Variants in MAP3K13 observed in about 807,000 individuals in gnomAD.
MAP3K13 encodes leucine zipper-bearing kinase.
In MAP3K13, 52 loss-of-function variants were observed where a neutral mutation model predicts 104.0. The ratio of observed to expected loss-of-function variants is 0.50; its 90% CI spans 0.40 to 0.63. The LOEUF is 0.63. Among genes scored for constraint, MAP3K13 ranks in the 20% least tolerant of loss-of-function variants. MAP3K13 has a pLI of 0.00. For synonymous variants in MAP3K13, 394 were observed against 442.2 expected, an observed-to-expected ratio of 0.89 and a Z score of 1.37; for missense variants, 914 against 1,218.5, an observed-to-expected ratio of 0.75 and a Z score of 3.72.
In MAP3K13 at chr3:185,473,408, G is replaced by C; in HGVS notation, c.2077G>C (p.Gly693Arg). 6.2e-7 allele frequency: 1 copy of C among 1,614,192 alleles called. No individual in the cohort carries two copies. The highest frequency in any genetic ancestry group is 8.5e-7 in the Non-Finnish European group (1 of 1,180,042). ...LSNHAQRQLPGSSPDLISTAM... is the reference protein window; with the variant it reads ...LSNHAQRQLPRSSPDLISTAM... ...CAACCATGCTCAGAGACAGCTGCCC[G>C]GCTCGAGCCCTGACCTCATCTCCAC... Residue 693 changes from glycine to arginine, a missense_variant, in exon 11 of 14, where the codon GGC becomes CGC. Coordinates refer to ENST00000265026, the MANE Select transcript of MAP3K13 (RefSeq NM_004721.5). This position sits in a 1 kb window ranked among gnomAD's most constrained non-coding sequence, Gnocchi z 4.9.
At position 185,320,028 on chromosome 3, in the gene MAP3K13, T is replaced by G. The variant is rs544188103; in HGVS notation, c.-86+34385T>G. The stretch of plus-strand genomic sequence containing the variant: ...TTTTGTTTCTTAGCCTCAGGGACTG[T>G]TTTCAGATAATGTATACAAGATGGA... On this transcript the variant is annotated intron_variant, in intron 2 of 14. Transcript: ENST00000424227. 2.0e-5 allele frequency among the ~76,000 whole-genome samples: 3 copies of G among 152,280 alleles called. No homozygotes were observed. The South Asian group carries it at 6.2e-4, about 32-fold the overall frequency.
chr3:185,354,610 G>C (rs894309792), intron 2 of MAP3K13, among the ~76,000 whole-genome samples: 26 of 14,264 alleles, frequency 1.8e-3, no homozygotes, highest in Non-Finnish European at 7.8e-3. Flanking sequence ...TATAAGTATG[G>C]GGGGGGGGCA....
chr3:185,447,735 T>C (rs1715671909), intron 4 of MAP3K13, 54 bp from the exon 5 acceptor site: 1 of 1,359,494 alleles, frequency 7.4e-7, no homozygotes, highest in South Asian at 1.4e-5. Flanking sequence ...TTTAGAATCA[T>C]GGTTTTCGTT....
At chr3:185,452,925 C>A (rs956820779) in intron 7 of MAP3K13, among the ~76,000 whole-genome samples, 2 of 152,146 alleles carry the variant, frequency 1.3e-5, no homozygotes, top group South Asian at 4.1e-4. Flanking sequence ...CACAGGCCAA[C>A]CCAGATTCTC....
At chr3:185,451,696 C>T (rs1478792054) in intron 7 of MAP3K13, among the ~76,000 whole-genome samples, 1 of 151,784 alleles carries the variant, frequency 6.6e-6, no homozygotes, top group East Asian at 1.9e-4. Flanking sequence ...GAGAAACCCC[C>T]GCTTCTACTA....
chr3:185,417,708 T>C, intron 1 of MAP3K13: 3 of 1,610,188 alleles, frequency 1.9e-6, no homozygotes, highest in Non-Finnish European at 2.5e-6. Flanking sequence ...GTGCTGCTGC[T>C]GCAGCAGCTG....
chr3:185,464,727 C>T (rs1479262130), intron 8 of MAP3K13, among the ~76,000 whole-genome samples: 1 of 152,120 alleles, frequency 6.6e-6, no homozygotes, highest in East Asian at 1.9e-4. Context: ...GTTCTGAATG[C>T]TATAACGAAC....
intron 2 of MAP3K13, among the ~76,000 whole-genome samples, chr3:185,357,464 A>AAAAAAAAAAAG (rs1723416083): frequency 6.6e-6 from 1 of 151,140 alleles, no homozygotes; most frequent in African/African-American, 2.4e-5. Flanking sequence ...AAAAAAAAAA[A>AAAAAAAAAAAG]AAAGAAAAAA....
chr3:185,304,296 T>A (rs1258511176), intron 2 of MAP3K13, among the ~76,000 whole-genome samples: 2 of 152,198 alleles, frequency 1.3e-5, no homozygotes, highest in African/African-American at 4.8e-5. Flanking sequence ...TCTGCTGTTG[T>A]GGAGTAGAAT....
chr3:185,430,943 A>T (rs1453152449), intron 2 of MAP3K13, among the ~76,000 whole-genome samples: 1 of 152,206 alleles, frequency 6.6e-6, no homozygotes, highest in Admixed American at 6.5e-5. Flanking sequence ...CAGCAGGCTT[A>T]ACAGGAAGCA....
chr3:185,317,574 A>G (rs957281565), intron 2 of MAP3K13, among the ~76,000 whole-genome samples: 2 of 152,242 alleles, frequency 1.3e-5, no homozygotes, highest in African/African-American at 4.8e-5. Flanking sequence ...CTCAGATTCT[A>G]ACTTTAGCAT....
chr3:185,477,462 C>T, intron 12 of MAP3K13, 66 bp downstream of exon 12: 4 of 1,192,508 alleles, frequency 3.4e-6, no homozygotes, highest in South Asian at 1.2e-5. Flanking sequence ...AAGTTTGCCA[C>T]ACCTGCTCTT....
intron 7 of MAP3K13, among the ~76,000 whole-genome samples, chr3:185,455,670 T>TATATATATG (rs1716608852): frequency 1.7e-4 from 4 of 23,234 alleles, no homozygotes; most frequent in Admixed American, 7.5e-4. Context: ...ATATATATGA[T>TATATATATG]ATATATATGA....
At chr3:185,321,071 CAT>C (rs557661943) in intron 2 of MAP3K13, among the ~76,000 whole-genome samples, 82 of 151,566 alleles carry the variant, frequency 5.4e-4, no homozygotes, top group Non-Finnish European at 6.3e-4. Flanking sequence ...CATGCACACA[CAT>C]ATGCGTGCAC....
At chr3:185,297,384 A>T (rs1252781039) in intron 2 of MAP3K13, among the ~76,000 whole-genome samples, 1 of 152,216 alleles carries the variant, frequency 6.6e-6, no homozygotes, top group East Asian at 1.9e-4. Context: ...ATGAGGTAGC[A>T]TGAGAGTCCA....
At chr3:185,407,152 A>G (rs1272419320) in intron 1 of MAP3K13, among the ~76,000 whole-genome samples, 1 of 152,156 alleles carries the variant, frequency 6.6e-6, no homozygotes, top group African/African-American at 2.4e-5. Context: ...CTGATTATCT[A>G]TTTGTCTGTG....
chr3:185,408,351 C>T (rs1713238404), intron 1 of MAP3K13, among the ~76,000 whole-genome samples: 1 of 152,042 alleles, frequency 6.6e-6, no homozygotes. Flanking sequence ...GCGGGTGGAT[C>T]TCTTGAGGTC....
chr3:185,297,158 G>A (rs1005763405), intron 2 of MAP3K13, among the ~76,000 whole-genome samples: 1 of 152,130 alleles, frequency 6.6e-6, no homozygotes, highest in African/African-American at 2.4e-5. Context: ...CTTGCTTTCT[G>A]TATTAGGAAA....
chr3:185,302,866 A>G (rs1007668732), intron 2 of MAP3K13, among the ~76,000 whole-genome samples: 3 of 152,094 alleles, frequency 2.0e-5, no homozygotes, highest in African/African-American at 7.2e-5. Flanking sequence ...TACTTCCAAT[A>G]CTATGTTGAG....
Sources: allele counts gnomAD v4.1 joint callset (sites outside exome capture counted in the v4.1 genomes callset), GRCh38; gene constraint gnomAD v4.1.1; non-coding constraint Gnocchi (gnomAD v3.1); transcripts MANE v1.5; gene names NCBI Gene and HGNC (gene_info 2026-07-23, HGNC 2026-07-21).